The following CLVS1 variants were observed in gnomAD, a reference collection of about 807,000 sequenced individuals.
CLVS1 encodes clavesin-1.
CLVS1 carries 10 observed loss-of-function variants against 33.1 expected under a neutral mutation model. That is an observed-to-expected ratio of 0.30 (90% CI 0.19 to 0.51). The LOEUF (loss-of-function observed/expected upper bound fraction) is 0.51, where lower values mean the gene tolerates loss of function less well. Among genes scored for constraint, CLVS1 ranks in the 20% least tolerant of loss-of-function variants. The pLI is 0.97. For missense variants in CLVS1, 343 were observed against 433.4 expected (o/e 0.79, Z 1.85); for synonymous variants, 163 against 166.1 (o/e 0.98, Z 0.14).
At chr8:61,268,531 C>T (rs1188622839) in intron 2 of CLVS1, among the ~76,000 whole-genome samples, 1 of 148,368 alleles carries the variant, frequency 6.7e-6, no homozygotes, top group Non-Finnish European at 1.5e-5. Context: ...GGTATATACC[C>T]AGTAATGGGA....
intron 1 of CLVS1, among the ~76,000 whole-genome samples, chr8:61,091,085 C>A (rs1805238807): frequency 6.6e-6 from 1 of 152,188 alleles, no homozygotes; most frequent in Non-Finnish European, 1.5e-5. Context: ...AATTAAGGAT[C>A]TTGCCATGGG....
chr8:61,364,015 A>G lies in CLVS1; in HGVS notation c.456-12590A>G, dbSNP rs368090144. On this transcript the variant is annotated intron_variant, in intron 2 of 5. Coordinates refer to ENST00000325897, the MANE Select transcript of CLVS1 (RefSeq NM_173519.3). ...CATATTTACAGTGCTCTAGGCTCCA[A>G]ATGACTTTGGAAACCTCCAAAGGGG... Among the ~76,000 whole-genome samples the G allele has an allele frequency of 5.3e-5, 8 of 152,286 alleles. No homozygotes were observed. In the South Asian group the frequency reaches 1.5e-3, roughly 28 times the overall value.
At chr8:60,994,775 A>T in the CLVS1 span, among the ~76,000 whole-genome samples, 2 of 152,240 alleles carry the variant, frequency 1.3e-5, no homozygotes, top group African/African-American at 2.4e-5. Context: ...GCTTGAGGCT[A>T]CAGTAACCAA....
chr8:61,140,286 G>A (rs969319901), intron 2 of CLVS1, among the ~76,000 whole-genome samples: 2 of 152,166 alleles, frequency 1.3e-5, no homozygotes, highest in African/African-American at 4.8e-5. Context: ...TCCTCTGGAT[G>A]GTTACCCTCA....
At chr8:61,057,576 T>A (rs756941711) in intron 1 of CLVS1, among the ~76,000 whole-genome samples, 7 of 152,202 alleles carry the variant, frequency 4.6e-5, no homozygotes, top group African/African-American at 1.7e-4. Flanking sequence ...CTTCTCATTC[T>A]TATATAGGCT....
intron 3 of CLVS1, among the ~76,000 whole-genome samples, chr8:61,397,805 T>G (rs992571615): frequency 1.3e-5 from 2 of 152,206 alleles, no homozygotes; most frequent in African/African-American, 4.8e-5. Flanking sequence ...GGAAATCAAT[T>G]GACCATAAAT....
intron 2 of CLVS1, among the ~76,000 whole-genome samples, chr8:61,152,446 C>T (rs780952138): frequency 6.6e-6 from 1 of 152,146 alleles, no homozygotes; most frequent in Non-Finnish European, 1.5e-5. Context: ...GTTCTGGAGG[C>T]TGGAAAGTCC....
the CLVS1 span, among the ~76,000 whole-genome samples, chr8:60,978,551 A>G: frequency 6.6e-6 from 1 of 152,214 alleles, no homozygotes; most frequent in African/African-American, 2.4e-5. Flanking sequence ...GCAGTGGCTC[A>G]TGCCTGTAAT....
At chr8:61,123,279 ATAAT>A (rs1805911099) in intron 1 of CLVS1, among the ~76,000 whole-genome samples, 1 of 103,680 alleles carries the variant, frequency 9.6e-6, no homozygotes. Flanking sequence ...CAAAATAATA[ATAAT>A]AATAATAATA....
chr8:61,328,061 T>C (rs990106669), intron 2 of CLVS1, among the ~76,000 whole-genome samples: 4 of 152,216 alleles, frequency 2.6e-5, no homozygotes, highest in Non-Finnish European at 5.9e-5. Context: ...GTTATCTTCC[T>C]TTCATCCAAG....
chr8:61,262,783 C>A (rs1259527091), intron 2 of CLVS1, among the ~76,000 whole-genome samples: 7 of 152,096 alleles, frequency 4.6e-5, no homozygotes, highest in African/African-American at 1.7e-4. Context: ...ATGCTCCCAC[C>A]CTCCCTGTTC....
At chr8:61,144,354 A>G (rs1806374274) in intron 2 of CLVS1, among the ~76,000 whole-genome samples, 1 of 152,152 alleles carries the variant, frequency 6.6e-6, no homozygotes, top group Non-Finnish European at 1.5e-5. Context: ...TTCCAGCTTC[A>G]TCCATGTCCC....
At chr8:61,458,993 G>A (rs1817263646) in intron 5 of CLVS1, among the ~76,000 whole-genome samples, 1 of 152,182 alleles carries the variant, frequency 6.6e-6, no homozygotes, top group Non-Finnish European at 1.5e-5. Flanking sequence ...GAACAGAGAA[G>A]TATGCCTCAG....
the CLVS1 span, among the ~76,000 whole-genome samples, chr8:60,981,279 G>GT: frequency 6.6e-6 from 1 of 152,178 alleles, no homozygotes; most frequent in Admixed American, 6.5e-5. Flanking sequence ...ATACATAGGA[G>GT]TATGCCACAA....
chr8:61,474,065 G>A (rs1046270533), intron 5 of CLVS1, among the ~76,000 whole-genome samples: 3 of 152,160 alleles, frequency 2.0e-5, no homozygotes, highest in African/African-American at 7.2e-5. Flanking sequence ...AACTCTCAGA[G>A]AGAGCTTGTA....
chr8:61,055,814 T>C (rs1056280899), upstream of CLVS1, among the ~76,000 whole-genome samples: 7 of 152,228 alleles, frequency 4.6e-5, no homozygotes, highest in African/African-American at 1.7e-4. Flanking sequence ...CAGCTTTCCA[T>C]ACTAAAAGCA....
chr8:61,126,360 G>C (rs1805972393), intron 1 of CLVS1, among the ~76,000 whole-genome samples: 1 of 152,286 alleles, frequency 6.6e-6, no homozygotes, highest in East Asian at 1.9e-4. Context: ...AAAGAAAGCG[G>C]AAGGCAACTG....
intron 3 of CLVS1, among the ~76,000 whole-genome samples, chr8:61,450,257 A>G (rs909064435): frequency 1.3e-5 from 2 of 152,220 alleles, no homozygotes; most frequent in African/African-American, 2.4e-5. Flanking sequence ...TTGCTGTGGC[A>G]TTTGAGACTA....
chr8:61,470,967 C>T (rs1817714901), intron 5 of CLVS1, among the ~76,000 whole-genome samples: 1 of 152,178 alleles, frequency 6.6e-6, no homozygotes, highest in African/African-American at 2.4e-5. Flanking sequence ...TGATCAGCAC[C>T]AACAAGCGCC....
Sources: gnomAD v4.1 joint callset for allele counts (sites outside exome capture counted in the v4.1 genomes callset) on GRCh38, gnomAD v4.1.1 for gene constraint, MANE v1.5 for transcripts, NCBI Gene and HGNC (gene_info 2026-07-23, HGNC 2026-07-21) for gene names.